TRPM4: variants seen among roughly 807,000 people sequenced by gnomAD.
The protein encoded by TRPM4 is transient receptor potential cation channel subfamily M member 4.
TRPM4 carries 124 observed loss-of-function variants against 135.6 expected under a neutral mutation model. The ratio of observed to expected loss-of-function variants is 0.91; its 90% CI spans 0.79 to 1.06. The LOEUF (loss-of-function observed/expected upper bound fraction) is 1.06. TRPM4 is among the 50% of genes least tolerant of loss of function. The pLI, the probability that TRPM4 is intolerant of heterozygous loss-of-function variation, is 0.00. For synonymous variants in TRPM4, 745 were observed against 705.6 expected (o/e 1.06, Z -0.88); for missense variants, 1,658 against 1,671.4 (o/e 0.99, Z 0.14).
rs543774210 is a variant in TRPM4 at position 49,188,834 on chromosome 19, C to T, written c.1873+64C>T. 2.5e-5 allele frequency: 41 copies of T among 1,612,748 alleles called. No individual in the cohort carries two copies. The South Asian group carries it at 2.6e-4, about 10-fold the overall frequency. On this transcript the variant is annotated intron_variant, in intron 13 of 24. Transcript: ENST00000252826. The stretch of plus-strand genomic sequence containing the variant: ...TGCCGCCAGAGGGGGATGTGCAACT[C>T]CGCACTCCTCACATATCCCTGCGCC...
At chr19:49,168,890 C>A (rs552445188) in intron 6 of TRPM4, among the ~76,000 whole-genome samples, 154 bp downstream of exon 6, 18 of 151,984 alleles carry the variant, frequency 1.2e-4, no homozygotes, top group Admixed American at 2.6e-4. Flanking sequence ...AAACTTCTGT[C>A]TGAGAGTGAG....
chr19:49,208,195 G>C (rs886902893), intron 20 of TRPM4, among the ~76,000 whole-genome samples: 2 of 152,190 alleles, frequency 1.3e-5, no homozygotes, highest in African/African-American at 4.8e-5. Flanking sequence ...AGTGGAACAT[G>C]AAAGTGAAAC....
chr19:49,200,422 T>A lies in TRPM4; in HGVS notation c.2768T>A (p.Val923Glu). ...NKQLGPKIVI[V>E]SKMMKDVFFF... ...CAGCTGGGGCCCAAGATCGTCATCG[T>A]GAGCAAGATGGTGAGGCAGGGGCGG... Residue 923 changes from valine (V) to glutamate (E), a missense_variant, in exon 18 of 25, where the codon GTG becomes GAG. Coordinates refer to ENST00000252826, the MANE Select transcript of TRPM4 (RefSeq NM_017636.4). 3.1e-6 allele frequency: 5 copies of A among 1,607,594 alleles called. No homozygotes were observed. Among genetic ancestry groups the A allele is most frequent in the Non-Finnish European group, 3.4e-6 (4 of 1,178,946 alleles).
intron 9 of TRPM4, among the ~76,000 whole-genome samples, chr19:49,178,780 A>G (rs920224504): frequency 7.2e-5 from 8 of 111,074 alleles, no homozygotes; most frequent in Admixed American, 1.7e-4. Context: ...TTTTTTTGAG[A>G]TGGAGTCTTG....
intron 19 of TRPM4, among the ~76,000 whole-genome samples, chr19:49,201,178 G>A (rs1218880658): frequency 6.6e-6 from 1 of 151,938 alleles, no homozygotes; most frequent in Non-Finnish European, 1.5e-5. Context: ...AGGAGATAGG[G>A]TCATTTATAA....
chr19:49,165,992 T>C (rs1967156299), intron 2 of TRPM4, 49 bp from the exon 3 acceptor site: 2 of 1,542,474 alleles, frequency 1.3e-6, no homozygotes, highest in Non-Finnish European at 8.8e-7. Context: ...GACAGGGTGC[T>C]GGGGTCGGGG....
chr19:49,158,015 G>A, intron 1 of TRPM4, 125 bp downstream of exon 1: 1 of 1,319,892 alleles, frequency 7.6e-7, no homozygotes, highest in South Asian at 1.3e-5. Context: ...GGAGGGTCCA[G>A]GTTCCAGGGT....
chr19:49,210,989 C>A lies in TRPM4; in HGVS notation c.3462-26C>A. 6.2e-7 allele frequency: 1 copy of A among 1,612,466 alleles called. No individual in the cohort carries two copies. Among genetic ancestry groups the A allele is most frequent in the Non-Finnish European group, 8.5e-7 (1 of 1,179,544 alleles). ...TGGGGGTGGGTGGGCTGCGGGTGCC[C>A]CCGGTAAGAGGCCCTCCCTTCTCAG... On this transcript the variant is annotated intron_variant, in intron 22 of 24. Transcript: ENST00000252826. This position sits in a 1 kb window ranked among gnomAD's most constrained non-coding sequence, Gnocchi z 4.1.
intron 20 of TRPM4, among the ~76,000 whole-genome samples, chr19:49,205,597 G>A (rs982058243): frequency 6.9e-5 from 10 of 145,314 alleles, no homozygotes; most frequent in Non-Finnish European, 9.0e-5. Flanking sequence ...GTGCAATGGC[G>A]TGATCTCGGC....
At chr19:49,178,064 C>CTCA (rs1345617887) in intron 9 of TRPM4, among the ~76,000 whole-genome samples, 1 of 152,176 alleles carries the variant, frequency 6.6e-6, no homozygotes, top group Admixed American at 6.6e-5. Context: ...AGCGTGAAGG[C>CTCA]TCATGCCTAT....
intron 12 of TRPM4, among the ~76,000 whole-genome samples, chr19:49,186,071 C>A (rs1016898878): frequency 6.6e-6 from 1 of 152,188 alleles, no homozygotes; most frequent in East Asian, 1.9e-4. Context: ...CTTCTCTAAA[C>A]CTTTTTTGGA....
chr19:49,200,904 C>G, intron 19 of TRPM4, 119 bp downstream of exon 19: 1 of 1,151,722 alleles, frequency 8.7e-7, no homozygotes, highest in South Asian at 1.4e-5. Context: ...CCCTCTTTCT[C>G]TGGATCTCTG....
chr19:49,167,237 C>T (rs978409152), intron 3 of TRPM4, among the ~76,000 whole-genome samples: 100 of 129,276 alleles, frequency 7.7e-4, no homozygotes, highest in African/African-American at 1.0e-3. Flanking sequence ...CTCTGGGTCT[C>T]TGTCCCTCTC....
intron 20 of TRPM4, among the ~76,000 whole-genome samples, chr19:49,207,636 C>CAAAAA (rs34758808): frequency 1.0e-4 from 4 of 39,016 alleles, no homozygotes; most frequent in African/African-American, 2.7e-4. Flanking sequence ...AACCTTGTCT[C>CAAAAA]AAAAAAAAAA....
intron 9 of TRPM4, among the ~76,000 whole-genome samples, chr19:49,173,199 T>G (rs897653822): frequency 6.7e-6 from 1 of 148,930 alleles, no homozygotes. Context: ...CCTGTCCATC[T>G]GCACATCCAC....
chr19:49,171,947 C>A lies in TRPM4; in HGVS notation c.1051-62C>A. ...GAATGGCCTCCTCCATCCCTTTGGA[C>A]AGGGCCCAACAGGAGTTGGGGATGG... On this transcript the variant is annotated intron_variant, in intron 8 of 24. Transcript: ENST00000252826. This position sits in a 1 kb window ranked among gnomAD's most constrained non-coding sequence, Gnocchi z 4.7. The A allele has an allele frequency of 2.0e-6, 3 of 1,469,588 alleles. No individual in the cohort carries two copies. Among genetic ancestry groups the A allele is most frequent in the South Asian group, 1.1e-5 (1 of 88,100 alleles). The allele number at this position is 1,469,588 out of a possible 1,614,324, so 91.0% of individuals were successfully genotyped here. A position where few individuals can be genotyped will look rare whatever the true frequency, so the allele number is the denominator to read the frequency against.
At chr19:49,158,106 A>C in intron 1 of TRPM4, 86 bp from the exon 2 acceptor site, 3 of 1,411,598 alleles carry the variant, frequency 2.1e-6, no homozygotes. Context: ...TGGGGAGCGC[A>C]CGGGGTGGGT....
chr19:49,180,898 C>A (rs537544215), intron 9 of TRPM4, among the ~76,000 whole-genome samples: 1 of 152,114 alleles, frequency 6.6e-6, no homozygotes, highest in South Asian at 2.1e-4. Context: ...TCCATCCCAT[C>A]CATCCATCCT....
intron 2 of TRPM4, among the ~76,000 whole-genome samples, chr19:49,161,989 TC>T (rs569205906): frequency 1.7e-4 from 26 of 152,182 alleles, no homozygotes; most frequent in African/African-American, 6.0e-4. Flanking sequence ...GGTTTGAGAA[TC>T]ATGTAGGGAA....
Sources: gnomAD v4.1 joint callset for allele counts (sites outside exome capture counted in the v4.1 genomes callset) on GRCh38, gnomAD v4.1.1 for gene constraint, Gnocchi (gnomAD v3.1) non-coding constraint, MANE v1.5 for transcripts, NCBI Gene and HGNC (gene_info 2026-07-23, HGNC 2026-07-21) for gene names.